The following SERPINI1 variants were observed in gnomAD, a reference collection of about 807,000 sequenced individuals.
The protein encoded by SERPINI1 is serpin family I member 1, also known as neuroserpin.
Under a neutral mutation model 41.1 loss-of-function variants are expected in SERPINI1, and 19 were observed. That is an observed-to-expected ratio of 0.46 (90% CI 0.32 to 0.68). The LOEUF is 0.68. Ranked by LOEUF, SERPINI1 falls within the 30% of genes least tolerant of loss-of-function variation. SERPINI1 has a pLI of 0.03. For synonymous variants in SERPINI1, 138 were observed against 156.6 expected, an observed-to-expected ratio of 0.88 and a Z score of 0.89; for missense variants, 460 against 479.2, an observed-to-expected ratio of 0.96 and a Z score of 0.37.
chr3:167,754,148 GTATTCATTTTTA>G (rs1462767006), intron 1 of SERPINI1, among the ~76,000 whole-genome samples: 4 of 152,180 alleles, frequency 2.6e-5, no homozygotes, highest in African/African-American at 9.7e-5. Context: ...TGTGAGCTCT[GTATTCATTTTTA>G]TACTGGTTAA....
At chr3:167,753,854 A>G (rs772672670) in intron 1 of SERPINI1, among the ~76,000 whole-genome samples, 15 of 152,216 alleles carry the variant, frequency 9.9e-5, no homozygotes, top group Non-Finnish European at 1.8e-4. Context: ...ACTGTGAAAT[A>G]ATTATATAGT....
intron 6 of SERPINI1, among the ~76,000 whole-genome samples, chr3:167,815,011 G>A (rs1057475897): frequency 6.6e-6 from 1 of 152,186 alleles, no homozygotes; most frequent in African/African-American, 2.4e-5. Flanking sequence ...AACAAGACAA[G>A]CTCATCAGTG....
chr3:167,760,562 TGTGTGTGTGTG>T (rs1325690356), intron 1 of SERPINI1, among the ~76,000 whole-genome samples: 2 of 930 alleles, frequency 2.2e-3, no homozygotes, highest in Middle Eastern at 0.12. Context: ...GGCTCCAAAT[TGTGTGTGTGTG>T]TGTGTGTGTG....
chr3:167,823,180 T>G (rs1304394948), intron 7 of SERPINI1, 108 bp downstream of exon 7: 1 of 800,672 alleles, frequency 1.2e-6, no homozygotes, highest in Admixed American at 1.8e-5. Flanking sequence ...GTCACTCTGC[T>G]CTAACTTAGA....
At chr3:167,808,105 C>T (rs897149058) in intron 6 of SERPINI1, among the ~76,000 whole-genome samples, 8 of 137,478 alleles carry the variant, frequency 5.8e-5, no homozygotes, top group East Asian at 2.0e-4. Context: ...GCAACAACAG[C>T]GAAACTCTGT....
At chr3:167,779,592 T>G (rs574401191) in intron 1 of SERPINI1, among the ~76,000 whole-genome samples, 1 of 152,312 alleles carries the variant, frequency 6.6e-6, no homozygotes, top group East Asian at 1.9e-4. Context: ...CCTAGAAATG[T>G]ATGTTTTCGA....
At chr3:167,822,965 T>A (rs755394023) in intron 6 of SERPINI1, 21 bp from the exon 7 acceptor site, 408 of 1,465,804 alleles carry the variant, frequency 2.8e-4, no homozygotes, top group Non-Finnish European at 3.6e-4. Flanking sequence ...AAAAAAAAAA[T>A]TTCTGATTCT....
At chr3:167,784,459 G>A (rs540627055) in intron 1 of SERPINI1, among the ~76,000 whole-genome samples, 48 of 152,260 alleles carry the variant, frequency 3.2e-4, no homozygotes, top group African/African-American at 1.0e-3. Context: ...AGAGATGATT[G>A]TATTAGTCCG....
intron 1 of SERPINI1, among the ~76,000 whole-genome samples, chr3:167,764,031 C>G (rs905689608): frequency 2.0e-5 from 3 of 152,088 alleles, no homozygotes; most frequent in Admixed American, 1.3e-4. Flanking sequence ...ACTCACTCCC[C>G]AAGGACACCT....
chr3:167,810,060 C>A (rs1210489456), intron 6 of SERPINI1, among the ~76,000 whole-genome samples: 2 of 152,132 alleles, frequency 1.3e-5, no homozygotes, highest in African/African-American at 2.4e-5. Flanking sequence ...CCATGCCATG[C>A]ACACACACAT....
intron 6 of SERPINI1, among the ~76,000 whole-genome samples, chr3:167,817,510 A>G (rs545422253): frequency 6.6e-6 from 1 of 152,210 alleles, no homozygotes; most frequent in African/African-American, 2.4e-5. Context: ...AAGTTTTTGT[A>G]TACTGATTCA....
chr3:167,767,243 A>G (rs1299837416), intron 1 of SERPINI1, among the ~76,000 whole-genome samples: 3 of 152,208 alleles, frequency 2.0e-5, no homozygotes, highest in Admixed American at 6.6e-5. Context: ...TGCTCTACAA[A>G]TGGAACAACA....
chr3:167,788,587 T>C (rs1420247060), intron 1 of SERPINI1, among the ~76,000 whole-genome samples: 1 of 152,172 alleles, frequency 6.6e-6, no homozygotes, highest in Non-Finnish European at 1.5e-5. Flanking sequence ...TACCACTTCC[T>C]GTGGACTCTG....
intron 6 of SERPINI1, among the ~76,000 whole-genome samples, chr3:167,812,036 A>C (rs1409898093): frequency 6.6e-6 from 1 of 152,118 alleles, no homozygotes; most frequent in African/African-American, 2.4e-5. Flanking sequence ...CTTCTAGAAA[A>C]ACGGAGTGAC....
chr3:167,782,220 G>A (rs573781047), intron 1 of SERPINI1, among the ~76,000 whole-genome samples: 13 of 152,214 alleles, frequency 8.5e-5, no homozygotes, highest in African/African-American at 3.1e-4. Context: ...ATTAATAATA[G>A]GGCCCTGGCA....
chr3:167,758,638 A>T (rs1349543375), intron 1 of SERPINI1, among the ~76,000 whole-genome samples: 2 of 152,316 alleles, frequency 1.3e-5, no homozygotes, highest in East Asian at 3.9e-4. Flanking sequence ...ACTTTTTCAC[A>T]GATTGGAGGA....
At chr3:167,751,646 G>T (rs1328061154) in intron 1 of SERPINI1, among the ~76,000 whole-genome samples, 4 of 152,088 alleles carry the variant, frequency 2.6e-5, no homozygotes, top group Non-Finnish European at 5.9e-5. Context: ...GACACAAATG[G>T]TGATGGGTTG....
intron 1 of SERPINI1, among the ~76,000 whole-genome samples, chr3:167,762,314 C>T (rs1726410937): frequency 6.6e-6 from 1 of 152,078 alleles, no homozygotes; most frequent in Admixed American, 6.6e-5. Flanking sequence ...TAATCAACTT[C>T]CCCCTCCCCT....
intron 1 of SERPINI1, among the ~76,000 whole-genome samples, chr3:167,750,848 A>T (rs1391673820): frequency 6.6e-6 from 1 of 152,144 alleles, no homozygotes; most frequent in East Asian, 1.9e-4. Flanking sequence ...GTGTATTTCT[A>T]TGGAATTGTC....
Sources: allele counts gnomAD v4.1 joint callset (sites outside exome capture counted in the v4.1 genomes callset), GRCh38; gene constraint gnomAD v4.1.1; transcripts MANE v1.5; gene names NCBI Gene and HGNC (gene_info 2026-07-23, HGNC 2026-07-21).